The following PDP1 variants were observed in gnomAD, a reference collection of about 807,000 sequenced individuals.
The protein encoded by PDP1 is pyruvate dehyrogenase phosphatase catalytic subunit 1.
PDP1 carries 14 observed loss-of-function variants against 37.1 expected under a neutral mutation model. The observed-to-expected ratio is 0.38, with a 90% CI of 0.25 to 0.59. The LOEUF (loss-of-function observed/expected upper bound fraction) is 0.59, where lower values mean the gene tolerates loss of function less well. Ranked by LOEUF, PDP1 falls within the 20% of genes least tolerant of loss-of-function variation. PDP1 has a pLI of 0.67. For missense variants in PDP1, 544 were observed against 655.3 expected (o/e 0.83, Z 1.85); for synonymous variants, 251 against 243.3 (o/e 1.03, Z -0.29).
chr8:93,921,348 A>C, intron 1 of PDP1: 8 of 985,030 alleles, frequency 8.1e-6, no homozygotes, highest in Non-Finnish European at 9.6e-6. Flanking sequence ...CAAGTTTTGC[A>C]AGACCATCTA....
intron 1 of PDP1, chr8:93,917,843 C>A (rs780936602): frequency 6.2e-7 from 1 of 1,613,102 alleles, no homozygotes. Flanking sequence ...TTCAATGGGC[C>A]GGTGCTGCTG....
chr8:93,918,646 G>A (rs1333871023), intron 1 of PDP1, among the ~76,000 whole-genome samples: 1 of 152,182 alleles, frequency 6.6e-6, no homozygotes, highest in Admixed American at 6.5e-5. Flanking sequence ...AGAATAACTT[G>A]CAAATTTGAC....
At position 93,917,713 on chromosome 8, in the gene PDP1, C is replaced by T. The variant is rs369515196; in HGVS notation, c.-45+634C>T. 2.2e-3 allele frequency: 2,447 copies of T among 1,129,894 alleles called. 71 individuals carry two copies. The South Asian group carries it at 0.034, about 16-fold the overall frequency. 70.0% of individuals were successfully genotyped at this position (1,129,894 alleles called of 1,614,324 possible). A position where few individuals can be genotyped will look rare whatever the true frequency, so the allele number is the denominator to read the frequency against. ...CCTTGTTCTCTCCACCCCTTTATCCCTCCTCCATCCTCTTCCCCCCCACCT... is the reference window on the plus strand; with the variant it reads ...CCTTGTTCTCTCCACCCCTTTATCCTTCCTCCATCCTCTTCCCCCCCACCT... On this transcript the variant is annotated intron_variant, in intron 1 of 1. Transcript: ENST00000297598.
intron 1 of PDP1, chr8:93,919,826 G>C (rs1292161207): frequency 1.3e-5 from 2 of 152,068 alleles, no homozygotes; most frequent in African/African-American, 4.8e-5. Flanking sequence ...CTTTCTGCAC[G>C]CAAACCTAAA....
chr8:93,918,253 A>T (rs368242320), intron 1 of PDP1, among the ~76,000 whole-genome samples: 8 of 152,264 alleles, frequency 5.3e-5, no homozygotes, highest in African/African-American at 1.7e-4. Flanking sequence ...AAAATCGCGG[A>T]TGGTCTTTAT....
chr8:93,921,414 T>C (rs1209503484), intron 1 of PDP1: 1 of 739,102 alleles, frequency 1.4e-6, no homozygotes, highest in Non-Finnish European at 1.7e-6. Context: ...TATGTAGAAA[T>C]TTTTCTATAT....
At position 93,924,630 on chromosome 8, in the gene PDP1, AT is replaced by A. The variant is rs1226950074; in HGVS notation, c.*958del. 1.8e-5 allele frequency: 3 copies of A among 167,116 alleles called. No individual in the cohort carries two copies. Among genetic ancestry groups the A allele is most frequent in the African/African-American group, 7.2e-5 (3 of 41,472 alleles). 10.4% of individuals were successfully genotyped at this position (167,116 alleles called of 1,614,324 possible). A position where few individuals can be genotyped will look rare whatever the true frequency, so the allele number is the denominator to read the frequency against. On this transcript the variant is annotated 3_prime_UTR_variant, in exon 2 of 2. Transcript: ENST00000297598. ...TTTTGGAATTTTAAAGATGACATAAATAAGTTTAAATATCAATTTGGGGAGT... is the reference window on the plus strand; with the variant it reads ...TTTTGGAATTTTAAAGATGACATAAAAAGTTTAAATATCAATTTGGGGAGT...
intron 1 of PDP1, chr8:93,921,423 A>G (rs1392795244): frequency 1.0e-5 from 6 of 580,208 alleles, no homozygotes; most frequent in Non-Finnish European, 1.3e-5. Flanking sequence ...ATTTTTCTAT[A>G]TATGTTACAA....
In PDP1 at chr8:93,923,568, G is replaced by T; in HGVS notation, c.1509G>T (p.Met503Ile). Residue 503 changes from methionine (M) to isoleucine (I), a missense_variant, in exon 2 of 2, where the codon ATG becomes ATT. This residue lies in a region of PDP1 where 159 missense variants were observed against 165.5 expected (regional missense o/e 0.96). Transcript: ENST00000297598. The surrounding 1 kb of genome is among the most constrained non-coding windows in gnomAD (Gnocchi z 4.3). ...TTGATCATGAGCGCCTCTCTAAAAT[G>T]CTTAGTCTTCCTGAAGAGCTTGCTC... ...GTVDHERLSK[M>I]LSLPEELARM... 1 of 1,613,666 alleles carries T rather than the reference G, an allele frequency of 6.2e-7. No individual in the cohort carries two copies. The highest frequency in any genetic ancestry group is 8.5e-7 in the Non-Finnish European group (1 of 1,179,562).
Position 93,923,522 on chromosome 8 carries a change from GCAA to G in PDP1, c.1468_1470del (p.Asn490del). The G allele has an allele frequency of 1.2e-6, 2 of 1,607,718 alleles. No homozygotes were observed. Among genetic ancestry groups the G allele is most frequent in the Non-Finnish European group, 1.7e-6 (2 of 1,174,542 alleles). ...ACCCATCTCATTCGCCACGCTGTGG[GCAA>G]CAACGAGTTTGGGACTGTTGATCAT... On this transcript the variant is annotated inframe_deletion, in exon 2 of 2. Transcript: ENST00000297598. The surrounding 1 kb of genome is among the most constrained non-coding windows in gnomAD (Gnocchi z 4.3).
intron 1 of PDP1, chr8:93,917,754 G>C (rs977399164): frequency 1.3e-4 from 171 of 1,325,976 alleles, no homozygotes; most frequent in Middle Eastern, 4.0e-4. Flanking sequence ...CCCATTCACC[G>C]GGCTGGAGCG....
At chr8:93,917,948 A>G (rs770411252) in intron 1 of PDP1, 1 of 1,613,942 alleles carries the variant, frequency 6.2e-7, no homozygotes. Context: ...ACGAATTGGT[A>G]GGTATTCACT....
rs758670020 is a variant in PDP1 at position 93,922,986 on chromosome 8, G to A, written c.927G>A (p.Thr309=). The change falls in exon 2 of 2, where the codon ACG becomes ACA. Residue 309 remains threonine (T), a synonymous_variant. Transcript: ENST00000297598. The surrounding 1 kb of genome is among the most constrained non-coding windows in gnomAD (Gnocchi z 4.0). ...QEEDGSWSAV[T]LSNDHNAQNE... is the part of the protein sequence containing the mutation. ...AGGACGGCTCATGGTCAGCAGTCAC[G>A]CTGTCTAATGACCACAATGCTCAAA... is the stretch of plus-strand genomic sequence containing the variant. 5 of 1,614,160 alleles carry A rather than the reference G, an allele frequency of 3.1e-6. No homozygotes were observed. In the South Asian group the frequency reaches 3.3e-5, roughly 11 times the overall value.
chr8:93,923,868 T>G lies in PDP1; in HGVS notation c.*195T>G. The G allele has an allele frequency of 1.7e-6, 1 of 577,230 alleles. No homozygotes were observed. The highest frequency in any genetic ancestry group is 3.2e-6 in the Non-Finnish European group (1 of 311,482). 35.8% of individuals were successfully genotyped at this position (577,230 alleles called of 1,614,324 possible). A position where few individuals can be genotyped will look rare whatever the true frequency, so the allele number is the denominator to read the frequency against. On this transcript the variant is annotated 3_prime_UTR_variant, in exon 2 of 2. Coordinates refer to ENST00000297598, the MANE Select transcript of PDP1 (RefSeq NM_018444.4). The surrounding 1 kb of genome is among the most constrained non-coding windows in gnomAD (Gnocchi z 4.3). ...TCAGGAGAGTCTGGTCCTGCCTAGC[T>G]CAGATTTCATGGCACCTGCACTTGA...
chr8:93,920,726 T>C, intron 1 of PDP1: 1 of 804,236 alleles, frequency 1.2e-6, no homozygotes, highest in Non-Finnish European at 1.5e-6. Flanking sequence ...TAAATACCTT[T>C]TTTTTTTTTT....
Position 93,918,438 on chromosome 8 carries a change from G to GA in PDP1, c.-45+1365dup, listed in dbSNP as rs1233427646. 6.6e-5 allele frequency among the ~76,000 whole-genome samples: 10 copies of GA among 152,278 alleles called. No individual in the cohort carries two copies. In the South Asian group the frequency reaches 8.3e-4, roughly 13 times the overall value. On this transcript the variant is annotated intron_variant, in intron 1 of 1. Coordinates refer to ENST00000297598, the MANE Select transcript of PDP1 (RefSeq NM_018444.4). ...GGTCCGTGGGTCTATTGATGGAGTG[G>GA]AAAAAATGTCTTGGCACAGGCTCTG...
rs889610322 is a variant in PDP1, at chr8:93,925,976, A to G, written c.*2303A>G. ...TATTGCTAAGAAAACTGTCTTATAA[A>G]AGATGTATATGTGTGAAGACATGAA... On this transcript the variant is annotated 3_prime_UTR_variant, in exon 2 of 2. Coordinates refer to ENST00000297598, the MANE Select transcript of PDP1 (RefSeq NM_018444.4). The G allele has an allele frequency of 2.4e-5, 4 of 166,890 alleles. No homozygotes were observed. The highest frequency in any genetic ancestry group is 9.7e-5 in the African/African-American group (4 of 41,442). The allele number at this position is 166,890 out of a possible 1,614,324, so 10.3% of individuals were successfully genotyped here.
At chr8:93,917,873 G>A in intron 1 of PDP1, 3 of 1,613,926 alleles carry the variant, frequency 1.9e-6, no homozygotes, top group Non-Finnish European at 2.5e-6. Context: ...CTGCCCGCGC[G>A]GGTTGTGGAT....
chr8:93,917,761 A>C, intron 1 of PDP1: 3 of 1,494,894 alleles, frequency 2.0e-6, no homozygotes, highest in African/African-American at 1.4e-5. Flanking sequence ...ACCGGGCTGG[A>C]GCGAGACCTC....
Sources: allele counts gnomAD v4.1 joint callset (sites outside exome capture counted in the v4.1 genomes callset), GRCh38; gene constraint gnomAD v4.1.1; regional missense constraint gnomAD v4.1.1; non-coding constraint Gnocchi (gnomAD v3.1); transcripts MANE v1.5; gene names NCBI Gene and HGNC (gene_info 2026-07-23, HGNC 2026-07-21).